PCGF3: variants seen among roughly 807,000 people sequenced by gnomAD.
The protein encoded by PCGF3 is polycomb group RING finger protein 3.
PCGF3 carries 7 observed loss-of-function variants against 33.1 expected under a neutral mutation model. That is an observed-to-expected ratio of 0.21 (90% confidence interval 0.12 to 0.40). The LOEUF (loss-of-function observed/expected upper bound fraction) is 0.40, where lower values mean the gene tolerates loss of function less well. Ranked by LOEUF, PCGF3 falls within the 10% of genes least tolerant of loss-of-function variation. The probability of loss-of-function intolerance (pLI) is 1.00; values close to 1 mark genes in which losing one functional copy is unlikely to be tolerated. For synonymous variants in PCGF3, 153 were observed against 121.3 expected (o/e 1.26, Z -1.72); for missense variants, 211 against 313.3 (o/e 0.67, Z 2.46).
At chr4:754,624 A>G (rs753759209) in intron 8 of PCGF3, among the ~76,000 whole-genome samples, 8 of 152,162 alleles carry the variant, frequency 5.3e-5, no homozygotes, top group Non-Finnish European at 2.9e-5. Flanking sequence ...GTGAACGGGT[A>G]AGGCTGGAGG....
chr4:763,581 C>T (rs74448715), intron 9 of PCGF3, among the ~76,000 whole-genome samples: 105 of 152,326 alleles, frequency 6.9e-4, no homozygotes, highest in African/African-American at 2.3e-3. Context: ...ACAACACATT[C>T]GGGAAACGCC....
intron 4 of PCGF3, chr4:734,424 G>A (rs1743747799): frequency 7.6e-7 from 1 of 1,314,816 alleles, no homozygotes; most frequent in Non-Finnish European, 9.7e-7. Flanking sequence ...TATAATACAA[G>A]TGATGCTTGT....
chr4:750,461 G>C (rs924136967), intron 8 of PCGF3, among the ~76,000 whole-genome samples: 1 of 152,182 alleles, frequency 6.6e-6, no homozygotes, highest in African/African-American at 2.4e-5. Context: ...GTAAACAAGC[G>C]GACCCCGGGG....
At chr4:709,443 A>G (rs561947432) in intron 1 of PCGF3, among the ~76,000 whole-genome samples, 10 of 152,352 alleles carry the variant, frequency 6.6e-5, no homozygotes, top group African/African-American at 2.4e-4. Context: ...AATGAAAGGC[A>G]AGAGTGAATG....
chr4:754,870 C>T (rs941012202), intron 8 of PCGF3, among the ~76,000 whole-genome samples: 4 of 152,154 alleles, frequency 2.6e-5, no homozygotes, highest in Admixed American at 6.5e-5. Context: ...GGTGGCGGTG[C>T]GGGTGCAGCA....
At chr4:763,968 G>GC (rs1165131924) in intron 9 of PCGF3, among the ~76,000 whole-genome samples, 1 of 152,240 alleles carries the variant, frequency 6.6e-6, no homozygotes, top group African/African-American at 2.4e-5. Context: ...AAGGCTGTAG[G>GC]CCGTGCGACT....
intron 8 of PCGF3, among the ~76,000 whole-genome samples, chr4:751,882 C>A (rs933650563): frequency 1.3e-5 from 2 of 152,166 alleles, no homozygotes; most frequent in Admixed American, 6.5e-5. Flanking sequence ...ATCTGACGGG[C>A]GCAGGCCCCC....
At chr4:711,482 G>C (rs1197197437) in intron 1 of PCGF3, among the ~76,000 whole-genome samples, 4 of 127,928 alleles carry the variant, frequency 3.1e-5, no homozygotes, top group African/African-American at 5.9e-5. Context: ...ACGGAGTCTC[G>C]CTCTGTCGCC....
chr4:762,853 A>G (rs1043008260), intron 9 of PCGF3: 2 of 152,298 alleles, frequency 1.3e-5, no homozygotes, highest in African/African-American at 4.8e-5. Flanking sequence ...ATTCAGAGAA[A>G]GCCACAATAA....
At chr4:733,965 A>G in intron 4 of PCGF3, 176 bp downstream of exon 4, 2 of 1,551,644 alleles carry the variant, frequency 1.3e-6, no homozygotes, top group African/African-American at 2.7e-5. Context: ...TTCACGCTAA[A>G]GGTCCTGTGG....
chr4:709,491 TC>T (rs1395656948), intron 1 of PCGF3, among the ~76,000 whole-genome samples: 1 of 151,828 alleles, frequency 6.6e-6, no homozygotes, highest in Non-Finnish European at 1.5e-5. Flanking sequence ...GCGTGAATGA[TC>T]CATGAACAAA....
chr4:737,341 A>T, intron 5 of PCGF3, 125 bp from the exon 6 acceptor site: 1 of 683,562 alleles, frequency 1.5e-6, no homozygotes, highest in Non-Finnish European at 2.6e-6. Flanking sequence ...TGTGTAAACT[A>T]GAAGTAAAAT....
intron 1 of PCGF3, among the ~76,000 whole-genome samples, chr4:718,555 G>A (rs915200030): frequency 1.3e-5 from 2 of 152,270 alleles, no homozygotes; most frequent in African/African-American, 2.4e-5. Flanking sequence ...CAGCAGTGAG[G>A]CCTGTCCAGT....
At chr4:715,385 C>T (rs1256076754) in intron 1 of PCGF3, among the ~76,000 whole-genome samples, 6 of 125,344 alleles carry the variant, frequency 4.8e-5, no homozygotes, top group Non-Finnish European at 6.5e-5. Flanking sequence ...GAGAACCGGG[C>T]ATCGGTGCTG....
intron 9 of PCGF3, 126 bp downstream of exon 9, chr4:761,542 C>T: frequency 7.1e-7 from 1 of 1,405,514 alleles, no homozygotes; most frequent in Admixed American, 2.4e-5. Context: ...AGAAAAAAAT[C>T]CGTTTTGCCT....
At chr4:761,465 C>G (rs746172412) in intron 9 of PCGF3, 49 bp downstream of exon 9, 2 of 1,495,762 alleles carry the variant, frequency 1.3e-6, no homozygotes, top group Non-Finnish European at 1.8e-6. Context: ...TCTCTTATTT[C>G]TAAAGGTAAC....
chr4:757,295 C>G (rs1217191297), intron 8 of PCGF3: 2 of 152,250 alleles, frequency 1.3e-5, no homozygotes, highest in Non-Finnish European at 2.9e-5. Flanking sequence ...CTGCCTCAGA[C>G]CTGTGCCTGC....
chr4:708,660 G>T (rs949812362), intron 1 of PCGF3, among the ~76,000 whole-genome samples: 5 of 152,192 alleles, frequency 3.3e-5, no homozygotes, highest in Non-Finnish European at 5.9e-5. Context: ...TCCTGTCCTT[G>T]CCTTGGCTGT....
At chr4:763,497 A>G (rs369985201) in intron 9 of PCGF3, among the ~76,000 whole-genome samples, 1 of 152,242 alleles carries the variant, frequency 6.6e-6, no homozygotes, top group Non-Finnish European at 1.5e-5. Context: ...AACTGTCTAC[A>G]TGATCAGGGA....
Sources: gnomAD v4.1 joint callset for allele counts (sites outside exome capture counted in the v4.1 genomes callset) on GRCh38, gnomAD v4.1.1 for gene constraint, MANE v1.5 for transcripts, NCBI Gene and HGNC (gene_info 2026-07-23, HGNC 2026-07-21) for gene names.